TMEM132C: variants seen among roughly 807,000 people sequenced by gnomAD.
TMEM132C encodes protein phosphatase 1, regulatory subunit 152.
Under a neutral mutation model 61.4 loss-of-function variants are expected in TMEM132C, and 29 were observed. The ratio of observed to expected loss-of-function variants is 0.47; its 90% CI spans 0.35 to 0.64. The LOEUF (loss-of-function observed/expected upper bound fraction) is 0.64, where lower values mean the gene tolerates loss of function less well. Ranked by LOEUF, TMEM132C falls within the 30% of genes least tolerant of loss-of-function variation. The probability of loss-of-function intolerance (pLI) is 0.00; values close to 1 mark genes in which losing one functional copy is unlikely to be tolerated. For missense variants in TMEM132C, 1,408 were observed against 1,476.9 expected (o/e 0.95, Z 0.76); for synonymous variants, 656 against 633.1 (o/e 1.04, Z -0.54).
chr12:128,564,456 C>T (rs941738909), intron 3 of TMEM132C, among the ~76,000 whole-genome samples: 7 of 152,178 alleles, frequency 4.6e-5, no homozygotes, highest in Non-Finnish European at 7.3e-5. Context: ...GCCTGGGGAG[C>T]GTCAAGGCCA....
chr12:128,362,071 G>A (rs1873723867), intron 1 of TMEM132C, among the ~76,000 whole-genome samples: 1 of 151,350 alleles, frequency 6.6e-6, no homozygotes, highest in African/African-American at 2.4e-5. Flanking sequence ...GATATCATCA[G>A]CCACTCACTG....
intron 5 of TMEM132C, among the ~76,000 whole-genome samples, chr12:128,678,649 C>G (rs1566012681): frequency 6.6e-6 from 1 of 152,186 alleles, no homozygotes; most frequent in Non-Finnish European, 1.5e-5. Context: ...GGTGACTGAA[C>G]CCCCTGAGAA....
At chr12:128,694,290 G>T (rs577563858) in intron 6 of TMEM132C, among the ~76,000 whole-genome samples, 1 of 152,240 alleles carries the variant, frequency 6.6e-6, no homozygotes, top group South Asian at 2.1e-4. Flanking sequence ...TGACACGATG[G>T]AGTTAATACA....
intron 1 of TMEM132C, among the ~76,000 whole-genome samples, chr12:128,399,510 A>ATCCC (rs981690301): frequency 5.3e-5 from 8 of 152,166 alleles, no homozygotes; most frequent in Non-Finnish European, 1.2e-4. Context: ...ACAACTCTAA[A>ATCCC]TCCCTCCAGA....
intron 1 of TMEM132C, among the ~76,000 whole-genome samples, chr12:128,270,434 A>G (rs999037113): frequency 1.3e-5 from 2 of 152,228 alleles, no homozygotes; most frequent in African/African-American, 2.4e-5. Context: ...AAGAAGGATA[A>G]TAAGACCCCA....
chr12:128,392,092 C>T (rs1874787130), intron 1 of TMEM132C, among the ~76,000 whole-genome samples: 2 of 146,518 alleles, frequency 1.4e-5, no homozygotes, highest in African/African-American at 5.3e-5. Context: ...CTCTCTCTCT[C>T]TCTCTCAGAG....
intron 2 of TMEM132C, among the ~76,000 whole-genome samples, chr12:128,440,296 T>TAA: frequency 6.6e-6 from 1 of 152,254 alleles, no homozygotes; most frequent in Non-Finnish European, 1.5e-5. Flanking sequence ...GCTCTTTTAG[T>TAA]TGTAGTTCTC....
Position 128,696,226 on chromosome 12 carries a change from G to A in TMEM132C, c.1929+123G>A, listed in dbSNP as rs900595598. On this transcript the variant is annotated intron_variant, in intron 7 of 8. Transcript: ENST00000435159. ...ACCCATGTGTATCATGGGAACACAGGAAGATGAGCCCAGGCCAGATCTTGA... is the reference window on the plus strand; with the variant it reads ...ACCCATGTGTATCATGGGAACACAGAAAGATGAGCCCAGGCCAGATCTTGA... 67 of 1,332,454 alleles carry A rather than the reference G, an allele frequency of 5.0e-5. 1 individual carries two copies. The East Asian group carries it at 1.6e-3, about 32-fold the overall frequency. The allele number at this position is 1,332,454 out of a possible 1,614,324, so 82.5% of individuals were successfully genotyped here.
intron 1 of TMEM132C, among the ~76,000 whole-genome samples, chr12:128,357,797 C>T (rs530917935): frequency 1.3e-5 from 2 of 152,026 alleles, no homozygotes; most frequent in African/African-American, 2.4e-5. Context: ...CTGGTTTCTA[C>T]TTCTGTTCTT....
chr12:128,326,588 A>C lies in TMEM132C; in HGVS notation c.85+59101A>C, dbSNP rs547268859. Among the ~76,000 whole-genome samples the C allele has an allele frequency of 3.4e-4, 52 of 152,308 alleles. No homozygotes were observed. The highest frequency in any genetic ancestry group is 1.2e-3 in the African/African-American group (48 of 41,564). On this transcript the variant is annotated intron_variant, in intron 1 of 8. Coordinates refer to ENST00000435159, the MANE Select transcript of TMEM132C (RefSeq NM_001136103.3). This position sits in a 1 kb window ranked among gnomAD's most constrained non-coding sequence, Gnocchi z 5.6. ...TTGGAACAGTAGCCCCAGGAAAAGA[A>C]AATGTGCTTGGAGACAGCTCCTGCA...
intron 1 of TMEM132C, among the ~76,000 whole-genome samples, chr12:128,323,984 G>C (rs1262040111): frequency 6.6e-6 from 1 of 152,174 alleles, no homozygotes; most frequent in Non-Finnish European, 1.5e-5. Context: ...TTCCCAGAAG[G>C]GTCTTTGCTT....
At position 128,525,318 on chromosome 12, in the gene TMEM132C, T is replaced by TTCTCTC. The variant is rs750943698; in HGVS notation, c.975-18619_975-18614dup. Among the ~76,000 whole-genome samples the TTCTCTC allele has an allele frequency of 2.7e-3, 400 of 150,132 alleles. 2 individuals are homozygous for TTCTCTC. Among genetic ancestry groups the TTCTCTC allele is most frequent in the African/African-American group, 9.3e-3 (378 of 40,622 alleles). On this transcript the variant is annotated intron_variant, in intron 2 of 8. Coordinates refer to ENST00000435159, the MANE Select transcript of TMEM132C (RefSeq NM_001136103.3). ...CCCTTTGAAGAGAAATCCTTTGCAC[T>TTCTCTC]TCTCTCTCTCTCTCTCTCTCTCTCT...
intron 2 of TMEM132C, among the ~76,000 whole-genome samples, chr12:128,445,566 G>A (rs554703964): frequency 1.3e-5 from 2 of 152,282 alleles, no homozygotes; most frequent in Non-Finnish European, 2.9e-5. Flanking sequence ...GCCTGTCCAC[G>A]GTGGGAGACA....
chr12:128,478,286 G>GT (rs1212544761), intron 2 of TMEM132C, among the ~76,000 whole-genome samples: 7 of 152,098 alleles, frequency 4.6e-5, no homozygotes, highest in African/African-American at 1.4e-4. Flanking sequence ...ACTGATTGTT[G>GT]TTTTTTTATT....
At chr12:128,300,850 C>A (rs964844852) in intron 1 of TMEM132C, among the ~76,000 whole-genome samples, 1 of 152,078 alleles carries the variant, frequency 6.6e-6, no homozygotes, top group Non-Finnish European at 1.5e-5. Context: ...CCAGCCTGGG[C>A]AACATAGGGG....
At chr12:128,632,002 G>T (rs1052493053) in intron 4 of TMEM132C, among the ~76,000 whole-genome samples, 4 of 152,292 alleles carry the variant, frequency 2.6e-5, no homozygotes, top group South Asian at 2.1e-4. Flanking sequence ...GGGATGGGGG[G>T]AAGGGGGGCT....
At chr12:128,659,138 G>C (rs531304734) in intron 4 of TMEM132C, among the ~76,000 whole-genome samples, 1 of 152,310 alleles carries the variant, frequency 6.6e-6, no homozygotes, top group East Asian at 1.9e-4. Context: ...TTTCAGTTTT[G>C]CAGGACACAG....
chr12:128,444,362 C>G (rs2136050554), intron 2 of TMEM132C, among the ~76,000 whole-genome samples: 1 of 152,288 alleles, frequency 6.6e-6, no homozygotes, highest in Admixed American at 6.5e-5. Flanking sequence ...TTTTATTCCC[C>G]ACAGCATCTC....
In TMEM132C at chr12:128,593,180, T is replaced by A. The variant is rs540893520; in HGVS notation, c.1122-22972T>A. Among the ~76,000 whole-genome samples the A allele has an allele frequency of 4.8e-3, 618 of 129,580 alleles. 3 individuals carry two copies. The highest frequency in any genetic ancestry group is 9.8e-3 in the Middle Eastern group (2 of 204). The allele number at this position is 129,580 out of a possible 152,430, so 85.0% of individuals were successfully genotyped here. The stretch of plus-strand genomic sequence containing the variant: ...TCTCCTTCCCTCTCTTTCTCTCTCT[T>A]CCCCTCTCTCACCTTCCTTCTTTCT... On this transcript the variant is annotated intron_variant, in intron 3 of 8. Coordinates refer to ENST00000435159, the MANE Select transcript of TMEM132C (RefSeq NM_001136103.3).
Sources: allele counts gnomAD v4.1 joint callset (sites outside exome capture counted in the v4.1 genomes callset), GRCh38; gene constraint gnomAD v4.1.1; non-coding constraint Gnocchi (gnomAD v3.1); transcripts MANE v1.5; gene names NCBI Gene and HGNC (gene_info 2026-07-23, HGNC 2026-07-21).